The following RPS6KC1 variants were observed in gnomAD, a reference collection of about 807,000 sequenced individuals.
The protein encoded by RPS6KC1 is ribosomal protein S6 kinase C1, also known as inactive ribosomal protein S6 kinase delta-1.
Under a neutral mutation model 103.8 loss-of-function variants are expected in RPS6KC1, and 54 were observed. That is an observed-to-expected ratio of 0.52 (90% CI 0.42 to 0.65). The LOEUF is 0.65. Among genes scored for constraint, RPS6KC1 ranks in the 30% least tolerant of loss-of-function variants. The pLI is 0.00. For synonymous variants in RPS6KC1, 439 were observed against 438.7 expected, an observed-to-expected ratio of 1.00 and a Z score of -0.01; for missense variants, 1,151 against 1,253.8, an observed-to-expected ratio of 0.92 and a Z score of 1.24.
the RPS6KC1 span, among the ~76,000 whole-genome samples, chr1:213,682,131 C>G: frequency 2.0e-5 from 3 of 152,232 alleles, no homozygotes; most frequent in Non-Finnish European, 4.4e-5. Context: ...AGTGGAACGC[C>G]TCAGTGAACA....
At chr1:213,431,034 G>C in the RPS6KC1 span, among the ~76,000 whole-genome samples, 5 of 152,180 alleles carry the variant, frequency 3.3e-5, no homozygotes, top group African/African-American at 4.8e-5. Context: ...GTGTGGGAAG[G>C]GGGAGGAGAA....
the RPS6KC1 span, among the ~76,000 whole-genome samples, chr1:213,831,692 T>C: frequency 6.6e-6 from 1 of 152,208 alleles, no homozygotes; most frequent in Non-Finnish European, 1.5e-5. Flanking sequence ...ATTTATTTTA[T>C]ATAAATTAAT....
the RPS6KC1 span, among the ~76,000 whole-genome samples, chr1:213,590,307 G>A: frequency 1.3e-5 from 2 of 152,210 alleles, no homozygotes; most frequent in Non-Finnish European, 2.9e-5. Flanking sequence ...GTGGGAGGAA[G>A]AGAAGGAGGT....
At chr1:213,232,023 C>A in intron 9 of RPS6KC1, 100 bp from the exon 10 acceptor site, 1 of 1,444,498 alleles carries the variant, frequency 6.9e-7, no homozygotes, top group South Asian at 1.2e-5. Flanking sequence ...CAGAGTAACT[C>A]GGATAGATTA....
the RPS6KC1 span, among the ~76,000 whole-genome samples, chr1:213,546,655 AT>A: frequency 3.6e-3 from 541 of 152,196 alleles, 4 homozygotes; most frequent in East Asian, 0.032. Context: ...AAGCTGCATT[AT>A]TTTAAAAAAA....
At chr1:213,206,775 T>G (rs2093360334) in intron 8 of RPS6KC1, among the ~76,000 whole-genome samples, 1 of 152,154 alleles carries the variant, frequency 6.6e-6, no homozygotes, top group African/African-American at 2.4e-5. Flanking sequence ...TGTTAAATAT[T>G]TTTGGATCTT....
At chr1:213,292,212 G>A in the RPS6KC1 span, among the ~76,000 whole-genome samples, 667 of 151,682 alleles carry the variant, frequency 4.4e-3, 3 homozygotes, top group African/African-American at 0.015. Flanking sequence ...TAACTAACCT[G>A]CACATTGTGC....
At chr1:213,174,511 A>T (rs753529144) in intron 7 of RPS6KC1, among the ~76,000 whole-genome samples, 22 of 152,004 alleles carry the variant, frequency 1.4e-4, no homozygotes, top group Non-Finnish European at 3.1e-4. Context: ...CTCTACTAAG[A>T]ATACAGAAAT....
At chr1:213,561,936 A>G in the RPS6KC1 span, among the ~76,000 whole-genome samples, 1 of 152,218 alleles carries the variant, frequency 6.6e-6, no homozygotes, top group Non-Finnish European at 1.5e-5. Context: ...TTGGGGGCAC[A>G]AGCCCAGTAG....
At chr1:213,220,284 A>C (rs2093797986) in intron 8 of RPS6KC1, among the ~76,000 whole-genome samples, 1 of 152,202 alleles carries the variant, frequency 6.6e-6, no homozygotes, top group Non-Finnish European at 1.5e-5. Context: ...AGAATCTAAA[A>C]ATCTGAATTA....
At chr1:213,732,956 T>C in the RPS6KC1 span, among the ~76,000 whole-genome samples, 6 of 152,212 alleles carry the variant, frequency 3.9e-5, no homozygotes, top group African/African-American at 1.4e-4. Context: ...AGGTTCATCA[T>C]GTCTGAAATG....
chr1:213,325,497 C>T, the RPS6KC1 span, among the ~76,000 whole-genome samples: 5 of 152,254 alleles, frequency 3.3e-5, no homozygotes, highest in South Asian at 1.0e-3. Context: ...CAGTAGGGTA[C>T]GCGCTCCATG....
chr1:213,341,455 C>A, the RPS6KC1 span, among the ~76,000 whole-genome samples: 1 of 152,204 alleles, frequency 6.6e-6, no homozygotes, highest in East Asian at 1.9e-4. Flanking sequence ...CTCATGGTAT[C>A]TTACCATGTA....
the RPS6KC1 span, among the ~76,000 whole-genome samples, chr1:213,665,898 A>G: frequency 6.6e-6 from 1 of 152,264 alleles, no homozygotes; most frequent in African/African-American, 2.4e-5. Context: ...AAGACATCCA[A>G]GTTATATTGT....
chr1:213,298,027 C>T, the RPS6KC1 span, among the ~76,000 whole-genome samples: 1 of 152,214 alleles, frequency 6.6e-6, no homozygotes, highest in Non-Finnish European at 1.5e-5. Flanking sequence ...GCACTGCAGT[C>T]CCTGCTTCAA....
chr1:213,733,824 C>T, the RPS6KC1 span, among the ~76,000 whole-genome samples: 1 of 152,158 alleles, frequency 6.6e-6, no homozygotes, highest in Non-Finnish European at 1.5e-5. Context: ...AGAGAGTGCT[C>T]GCTCTTGGCT....
chr1:213,692,388 C>CA, the RPS6KC1 span, among the ~76,000 whole-genome samples: 2,972 of 134,662 alleles, frequency 0.022, 61 homozygotes, highest in African/African-American at 0.051. Flanking sequence ...GACTCTGTCT[C>CA]AAAAAAAAAA....
the RPS6KC1 span, among the ~76,000 whole-genome samples, chr1:213,440,081 G>A: frequency 6.6e-6 from 1 of 152,030 alleles, no homozygotes; most frequent in Non-Finnish European, 1.5e-5. Context: ...ACCTTCCATT[G>A]GAATGTTTTT....
the RPS6KC1 span, among the ~76,000 whole-genome samples, chr1:213,514,229 G>T: frequency 6.6e-6 from 1 of 151,952 alleles, no homozygotes; most frequent in South Asian, 2.1e-4. Flanking sequence ...CTGAGGAAGG[G>T]ATATATTTTT....
Sources: gnomAD v4.1 joint callset for allele counts (sites outside exome capture counted in the v4.1 genomes callset) on GRCh38, gnomAD v4.1.1 for gene constraint, MANE v1.5 for transcripts, NCBI Gene and HGNC (gene_info 2026-07-23, HGNC 2026-07-21) for gene names.